Variants in NTM observed in about 807,000 individuals in gnomAD.
NTM encodes neurotrimin.
In NTM, 13 loss-of-function variants were observed where a neutral mutation model predicts 42.1. That is an observed-to-expected ratio of 0.31 (90% CI 0.20 to 0.49). NTM has a LOEUF of 0.49. NTM is among the 20% of genes least tolerant of loss of function. The pLI, the probability that NTM is intolerant of heterozygous loss-of-function variation, is 0.99. For synonymous variants in NTM, 187 were observed against 179.2 expected (o/e 1.04, Z -0.35); for missense variants, 373 against 452.8 (o/e 0.82, Z 1.60).
intron 2 of NTM, among the ~76,000 whole-genome samples, chr11:132,083,667 G>A (rs2059361232): frequency 6.6e-6 from 1 of 152,166 alleles, no homozygotes. Flanking sequence ...GCTTTTATTG[G>A]CTCTGCAAGT....
chr11:131,776,001 A>G (rs1180453835), intron 1 of NTM, among the ~76,000 whole-genome samples: 2 of 152,158 alleles, frequency 1.3e-5, no homozygotes, highest in Non-Finnish European at 1.5e-5. Flanking sequence ...AACTCAACAG[A>G]AGTTCTTTCC....
At chr11:131,870,084 G>A (rs1411963660) in intron 1 of NTM, among the ~76,000 whole-genome samples, 1 of 152,202 alleles carries the variant, frequency 6.6e-6, no homozygotes, top group Non-Finnish European at 1.5e-5. Flanking sequence ...TGGGATAGAA[G>A]CCTGGGAATT....
chr11:132,017,824 A>G (rs775540347), intron 2 of NTM, among the ~76,000 whole-genome samples: 18 of 151,976 alleles, frequency 1.2e-4, no homozygotes, highest in Non-Finnish European at 2.4e-4. Context: ...TAATTTCACT[A>G]CACAGTATTA....
At chr11:132,069,335 C>T (rs1462210369) in intron 2 of NTM, among the ~76,000 whole-genome samples, 1 of 148,482 alleles carries the variant, frequency 6.7e-6, no homozygotes, top group African/African-American at 2.5e-5. Context: ...TAACACGTCA[C>T]ACAGCCAAGT....
chr11:131,680,493 G>A (rs2072347804), intron 1 of NTM, among the ~76,000 whole-genome samples: 3 of 124,482 alleles, frequency 2.4e-5, no homozygotes, highest in Admixed American at 8.6e-5. Flanking sequence ...GTCTGTGTAG[G>A]CATGTGTGCC....
chr11:132,237,201 A>G (rs1489204024), intron 4 of NTM, among the ~76,000 whole-genome samples: 3 of 152,228 alleles, frequency 2.0e-5, no homozygotes, highest in Non-Finnish European at 2.9e-5. Context: ...AAGAAATGCC[A>G]GATGCTAACT....
At chr11:131,757,259 C>A (rs543753206) in intron 1 of NTM, among the ~76,000 whole-genome samples, 30 of 152,328 alleles carry the variant, frequency 2.0e-4, no homozygotes, top group African/African-American at 6.3e-4. Context: ...CAGTCTTAGG[C>A]CTGATGGAGA....
chr11:131,427,046 G>T (rs1948192947), intron 1 of NTM, among the ~76,000 whole-genome samples: 1 of 152,096 alleles, frequency 6.6e-6, no homozygotes, highest in African/African-American at 2.4e-5. Flanking sequence ...GAAGGAGAAA[G>T]ATGCTGACCT....
chr11:131,508,699 G>A (rs1190146178), intron 1 of NTM, among the ~76,000 whole-genome samples: 1 of 150,992 alleles, frequency 6.6e-6, no homozygotes, highest in East Asian at 1.9e-4. Context: ...GGAATACTAT[G>A]CAGCCATAAA....
chr11:131,926,558 C>CAGGCAGTCAGCAA (rs974928294), intron 2 of NTM, among the ~76,000 whole-genome samples: 1 of 152,014 alleles, frequency 6.6e-6, no homozygotes, highest in African/African-American at 2.4e-5. Context: ...GAATAAGGGG[C>CAGGCAGTCAGCAA]AGGCAGTCAG....
chr11:131,956,279 T>C (rs984704215), intron 2 of NTM, among the ~76,000 whole-genome samples: 1 of 152,174 alleles, frequency 6.6e-6, no homozygotes, highest in Non-Finnish European at 1.5e-5. Flanking sequence ...CCCCCACATG[T>C]GAGTCAGAAT....
intron 1 of NTM, among the ~76,000 whole-genome samples, chr11:131,867,951 A>G (rs2047393513): frequency 6.6e-6 from 1 of 152,080 alleles, no homozygotes; most frequent in Admixed American, 6.5e-5. Flanking sequence ...GACCATGTTG[A>G]GTGGAAGAGC....
chr11:131,456,184 A>C (rs1007485991), intron 1 of NTM, among the ~76,000 whole-genome samples: 3 of 152,214 alleles, frequency 2.0e-5, no homozygotes, highest in Non-Finnish European at 4.4e-5. Context: ...GGTGAGTGAC[A>C]ATGGTAGGTA....
At chr11:132,032,913 T>A (rs1025940197) in intron 2 of NTM, among the ~76,000 whole-genome samples, 5 of 152,196 alleles carry the variant, frequency 3.3e-5, no homozygotes, top group African/African-American at 1.2e-4. Context: ...GTATTTATCA[T>A]CTCAAGTACC....
At chr11:131,799,202 C>T (rs2091893072) in intron 1 of NTM, among the ~76,000 whole-genome samples, 1 of 152,086 alleles carries the variant, frequency 6.6e-6, no homozygotes, top group Non-Finnish European at 1.5e-5. Context: ...TACTATATCC[C>T]ACCCTACCCC....
chr11:131,627,841 T>C (rs1294379549), intron 1 of NTM, among the ~76,000 whole-genome samples: 3 of 152,022 alleles, frequency 2.0e-5, no homozygotes, highest in African/African-American at 4.8e-5. Flanking sequence ...AACAAATGTA[T>C]ATATAAAGCC....
intron 1 of NTM, among the ~76,000 whole-genome samples, chr11:131,418,191 AC>A (rs1321640158): frequency 6.6e-6 from 1 of 152,166 alleles, no homozygotes; most frequent in Non-Finnish European, 1.5e-5. Flanking sequence ...ACTGATAGAG[AC>A]CTTTAAATGT....
At chr11:131,379,735 G>A (rs1942414497) in intron 1 of NTM, among the ~76,000 whole-genome samples, 1 of 152,148 alleles carries the variant, frequency 6.6e-6, no homozygotes, top group Admixed American at 6.5e-5. Context: ...ATTTGAAACT[G>A]TGATTTCCTC....
chr11:132,326,663 G>A (rs923907823), intron 7 of NTM, among the ~76,000 whole-genome samples: 3 of 152,182 alleles, frequency 2.0e-5, no homozygotes, highest in Admixed American at 6.5e-5. Context: ...GAAGACTGTG[G>A]ATATCTAAAA....
Sources: allele counts gnomAD v4.1 joint callset (sites outside exome capture counted in the v4.1 genomes callset), GRCh38; gene constraint gnomAD v4.1.1; transcripts MANE v1.5; gene names NCBI Gene and HGNC (gene_info 2026-07-23, HGNC 2026-07-21).